PGBD4: variants seen among roughly 807,000 people sequenced by gnomAD.
PGBD4 encodes piggyBac transposable element-derived protein 4.
In PGBD4, 1 loss-of-function variant was observed where a neutral mutation model predicts 0.3. The ratio of observed to expected loss-of-function variants is 3.72; its 90% confidence interval spans 1.32 to 17.64. PGBD4 has a LOEUF of 17.64. Among genes scored for constraint, PGBD4 ranks in the 30% most tolerant of loss-of-function variants. The pLI is 0.11. For missense variants in PGBD4, 624 were observed against 719.7 expected, an observed-to-expected ratio of 0.87 and a Z score of 1.52; for synonymous variants, 253 against 267.7, an observed-to-expected ratio of 0.95 and a Z score of 0.54.
chr15:34,104,772 A>G lies in PGBD4; in HGVS notation c.*483A>G, dbSNP rs901822082. Reference sequence around the variant, plus strand: ...GCGATTCTCGTGCCTCAGCCTCCCTAGTAGCTGGGATTACAGGCATGTGCC... The same window carrying G: ...GCGATTCTCGTGCCTCAGCCTCCCTGGTAGCTGGGATTACAGGCATGTGCC... On this transcript the variant is annotated 3_prime_UTR_variant, in exon 1 of 1. Coordinates refer to ENST00000397766, the MANE Select transcript of PGBD4 (RefSeq NM_152595.5). 6.6e-6 allele frequency: 1 copy of G among 151,534 alleles called. No individual in the cohort carries two copies. The highest frequency in any genetic ancestry group is 6.6e-5 in the Admixed American group (1 of 15,176). The allele number at this position is 151,534 out of a possible 1,614,324, so 9.4% of individuals were successfully genotyped here.
In PGBD4 at chr15:34,102,389, G is replaced by A; in HGVS notation, c.-143G>A. ...AGTGCCAACCTTACTCCCAAAGTTT[G>A]CCACGAAATATCTCGCTTCTGTTAT... is the stretch of plus-strand genomic sequence containing the variant. On this transcript the variant is annotated 5_prime_UTR_variant, in exon 1 of 1. Coordinates refer to ENST00000397766, the MANE Select transcript of PGBD4 (RefSeq NM_152595.5). This position sits in a 1 kb window ranked among gnomAD's most constrained non-coding sequence, Gnocchi z 4.7. 1 of 1,325,266 alleles carries A rather than the reference G, an allele frequency of 7.5e-7. No individual in the cohort carries two copies. The highest frequency in any genetic ancestry group is 2.6e-5 in the East Asian group (1 of 38,332). The allele number at this position is 1,325,266 out of a possible 1,614,324, so 82.1% of individuals were successfully genotyped here.
At position 34,104,283 on chromosome 15, in the gene PGBD4, T is replaced by A. The variant is rs770564985; in HGVS notation, c.1752T>A (p.Asn584Lys). 2.7e-5 allele frequency: 44 copies of A among 1,610,306 alleles called. No homozygotes were observed. Among genetic ancestry groups the A allele is most frequent in the Non-Finnish European group, 3.5e-5 (41 of 1,177,854 alleles). The change falls in exon 1 of 1, where the codon AAT (asparagine) becomes AAA (lysine). Residue 584 changes from asparagine (N) to lysine (K), a missense_variant. By Grantham distance (94) the Asn-to-Lys change is moderately conservative. Coordinates refer to ENST00000397766, the MANE Select transcript of PGBD4 (RefSeq NM_152595.5). ...TTGAAATTTACCACACGAAAAAAAA[T>A]TATTAAATACCGATCATCATACACA... ...PCFEIYHTKK[N>K]Y
chr15:34,104,022 T>A lies in PGBD4; in HGVS notation c.1491T>A (p.His497Gln). The A allele has an allele frequency of 6.2e-7, 1 of 1,614,116 alleles. No homozygotes were observed. Among genetic ancestry groups the A allele is most frequent in the Non-Finnish European group, 8.5e-7 (1 of 1,180,028 alleles). The change falls in exon 1 of 1, where the codon CAT becomes CAA. Residue 497 changes from histidine to glutamine, a missense_variant. His to Gln is a conservative substitution (Grantham distance 24). Transcript: ENST00000397766. ...TGATTGAAAGAATGCTGGAAAAGCA[T>A]CACAAGCCAGGGCAGCAACATCTTC... ...LALIERMLEK[H>Q]HKPGQQHLRG... is the part of the protein sequence containing the mutation.
In PGBD4 at chr15:34,102,508, A is replaced by G; in HGVS notation, c.-24A>G. The G allele has an allele frequency of 1.3e-6, 2 of 1,485,012 alleles. No individual in the cohort carries two copies. Among genetic ancestry groups the G allele is most frequent in the Non-Finnish European group, 1.8e-6 (2 of 1,118,952 alleles). The allele number at this position is 1,485,012 out of a possible 1,614,324, so 92.0% of individuals were successfully genotyped here. A position where few individuals can be genotyped will look rare whatever the true frequency, so the allele number is the denominator to read the frequency against. On this transcript the variant is annotated 5_prime_UTR_variant, in exon 1 of 1. Coordinates refer to ENST00000397766, the MANE Select transcript of PGBD4 (RefSeq NM_152595.5). The surrounding 1 kb of genome is among the most constrained non-coding windows in gnomAD (Gnocchi z 4.7). The stretch of plus-strand genomic sequence containing the variant: ...TAGTAGTGGGATTTCCATCTACAAA[A>G]TATAGTAATTCTCGATCGCTGAAAT...
chr15:34,106,875 T>C lies in PGBD4; in HGVS notation c.*2586T>C, dbSNP rs911520239. On this transcript the variant is annotated 3_prime_UTR_variant, in exon 1 of 1. Coordinates refer to ENST00000397766, the MANE Select transcript of PGBD4 (RefSeq NM_152595.5). ...ACTTGAGGCCAGGAGGGCCAGGAAT[T>C]TGAAGCTGTAGTGTGCTATGATAGC... 2.0e-5 allele frequency: 3 copies of C among 148,394 alleles called. No homozygotes were observed. The highest frequency in any genetic ancestry group is 4.4e-5 in the Non-Finnish European group (3 of 67,678). The allele number at this position is 148,394 out of a possible 1,614,324, so 9.2% of individuals were successfully genotyped here.
rs796797907 is a variant in PGBD4 at position 34,106,650 on chromosome 15, A to G, written c.*2361A>G. On this transcript the variant is annotated 3_prime_UTR_variant, in exon 1 of 1. Coordinates refer to ENST00000397766, the MANE Select transcript of PGBD4 (RefSeq NM_152595.5). ...GCACATGGTACAATATTCAAAAGGT[A>G]TGAGTATACAAAAAAAATCTCCCAC... The G allele has an allele frequency of 6.6e-5, 10 of 152,358 alleles. No individual in the cohort carries two copies. The highest frequency in any genetic ancestry group is 2.4e-4 in the African/African-American group (10 of 41,558). The allele number at this position is 152,358 out of a possible 1,614,324, so 9.4% of individuals were successfully genotyped here.
Position 34,102,681 on chromosome 15 carries a change from G to C in PGBD4, c.150G>C (p.Lys50Asn). ...CGGATAGTGCTTTAGAAGCCGATAA[G>C]ATCAGGCCTCTGTCCCATTTAGAAT... ...NFSDSALEAD[K>N]IRPLSHLESD... Residue 50 changes from lysine (K) to asparagine (N), a missense_variant, in exon 1 of 1, where the codon AAG becomes AAC. Transcript: ENST00000397766. The surrounding 1 kb of genome is among the most constrained non-coding windows in gnomAD (Gnocchi z 4.7). 1 of 1,614,132 alleles carries C rather than the reference G, an allele frequency of 6.2e-7. No homozygotes were observed. The highest frequency in any genetic ancestry group is 1.1e-5 in the South Asian group (1 of 91,074).
Position 34,103,422 on chromosome 15 carries a change from TG to T in PGBD4, c.893del (p.Gly298AlafsTer2). 1 of 1,614,234 alleles carries T rather than the reference TG, an allele frequency of 6.2e-7. No individual in the cohort carries two copies. Among genetic ancestry groups the T allele is most frequent in the South Asian group, 1.1e-5 (1 of 91,090 alleles). ...VWNALVHTGP[G>X]MNLKDSADGL... The stretch of plus-strand genomic sequence containing the variant: ...GGAATGCGCTTGTTCACACAGGGCC[TG>T]GCATGAATTTGAAAGATTCAGCGGA... On this transcript the variant is annotated frameshift_variant, in exon 1 of 1. Coordinates refer to ENST00000397766, the MANE Select transcript of PGBD4 (RefSeq NM_152595.5). LOFTEE classifies it low-confidence loss of function (END_TRUNC). The surrounding 1 kb of genome is among the most constrained non-coding windows in gnomAD (Gnocchi z 4.6).
Position 34,104,184 on chromosome 15 carries a change from T to C in PGBD4, c.1653T>C (p.Asp551=), listed in dbSNP as rs762872054. The C allele has an allele frequency of 9.9e-6, 16 of 1,614,064 alleles. No individual in the cohort carries two copies. The East Asian group carries it at 3.3e-4, about 34-fold the overall frequency. The change falls in exon 1 of 1, where the codon GAT becomes GAC. Residue 551 remains aspartate (D), a synonymous_variant. Transcript: ENST00000397766. ...TTTGCTGCTCCCAATACGACAAGGATGGCAAGAAGATCCGGAAAGAAACGC... is the reference window on the plus strand; with the variant it reads ...TTTGCTGCTCCCAATACGACAAGGACGGCAAGAAGATCCGGAAAGAAACGC... ...CKICCSQYDK[D]GKKIRKETRY...
chr15:34,102,152 G>A lies in PGBD4; in HGVS notation c.-380G>A. The A allele has an allele frequency of 2.1e-6, 1 of 475,390 alleles. No homozygotes were observed. Among genetic ancestry groups the A allele is most frequent in the Non-Finnish European group, 3.7e-6 (1 of 270,508 alleles). 29.4% of individuals were successfully genotyped at this position (475,390 alleles called of 1,614,324 possible). On this transcript the variant is annotated 5_prime_UTR_variant, in exon 1 of 1. Transcript: ENST00000397766. The surrounding 1 kb of genome is among the most constrained non-coding windows in gnomAD (Gnocchi z 4.7). ...TGCTGCGGCAGCCACGGAGGCCAAG[G>A]ACCTCACGGGAGTAAAAGATGACGA...
rs759813201 is a variant in PGBD4 at position 34,103,577 on chromosome 15, A to G, written c.1046A>G (p.Asp349Gly). ...AGAGAATTACATCAAAATAGGACTG[A>G]TGCAGTTGGGACAGCTCGTTTGAAC... ...LFRELHQNRT[D>G]AVGTARLNRK... Residue 349 changes from aspartate to glycine, a missense_variant, in exon 1 of 1, where the codon GAT (aspartate) becomes GGT (glycine). By Grantham distance (94) the Asp-to-Gly change is moderately conservative. Coordinates refer to ENST00000397766, the MANE Select transcript of PGBD4 (RefSeq NM_152595.5). The surrounding 1 kb of genome is among the most constrained non-coding windows in gnomAD (Gnocchi z 4.6). 6 of 1,614,188 alleles carry G rather than the reference A, an allele frequency of 3.7e-6. No homozygotes were observed. Among genetic ancestry groups the G allele is most frequent in the Non-Finnish European group, 5.1e-6 (6 of 1,180,014 alleles).
In PGBD4 at chr15:34,107,247, A is replaced by G. The variant is rs571325228; in HGVS notation, c.*2958A>G. 3 of 152,262 alleles carry G rather than the reference A, an allele frequency of 2.0e-5. No homozygotes were observed. The highest frequency in any genetic ancestry group is 4.8e-5 in the African/African-American group (2 of 41,558). 9.4% of individuals were successfully genotyped at this position (152,262 alleles called of 1,614,324 possible). On this transcript the variant is annotated 3_prime_UTR_variant, in exon 1 of 1. Coordinates refer to ENST00000397766, the MANE Select transcript of PGBD4 (RefSeq NM_152595.5). ...CCGCACTTTGCTCTTTTTACTAAAT[A>G]TATCTTGGAAATCATCCTTTATTCG...
Position 34,102,374 on chromosome 15 carries a change from T to TG in PGBD4, c.-158_-157insG. 8.3e-7 allele frequency: 1 copy of TG among 1,198,708 alleles called. No individual in the cohort carries two copies. Among genetic ancestry groups the TG allele is most frequent in the Non-Finnish European group, 1.1e-6 (1 of 893,076 alleles). The allele number at this position is 1,198,708 out of a possible 1,614,324, so 74.3% of individuals were successfully genotyped here. On this transcript the variant is annotated 5_prime_UTR_variant, in exon 1 of 1. The change creates a premature stop within an existing upstream ORF in the 5' untranslated region. Coordinates refer to ENST00000397766, the MANE Select transcript of PGBD4 (RefSeq NM_152595.5). This position sits in a 1 kb window ranked among gnomAD's most constrained non-coding sequence, Gnocchi z 4.7. ...TAACTCGTGGATTACAGTGCCAACC[T>TG]TACTCCCAAAGTTTGCCACGAAATA...
Position 34,103,571 on chromosome 15 carries a change from G to A in PGBD4, c.1040G>A (p.Arg347Lys), listed in dbSNP as rs771127773. The A allele has an allele frequency of 6.2e-7, 1 of 1,614,096 alleles. No individual in the cohort carries two copies. The highest frequency in any genetic ancestry group is 8.5e-7 in the Non-Finnish European group (1 of 1,179,992). Reference protein sequence around the residue: ...PMLFRELHQNRTDAVGTARLN... With the variant: ...PMLFRELHQNKTDAVGTARLN... The stretch of plus-strand genomic sequence containing the variant: ...CTTTTCAGAGAATTACATCAAAATA[G>A]GACTGATGCAGTTGGGACAGCTCGT... The change falls in exon 1 of 1, where the codon AGG becomes AAG. Residue 347 changes from arginine to lysine, a missense_variant. By Grantham distance (26) the Arg-to-Lys change is conservative. Coordinates refer to ENST00000397766, the MANE Select transcript of PGBD4 (RefSeq NM_152595.5). This position sits in a 1 kb window ranked among gnomAD's most constrained non-coding sequence, Gnocchi z 4.6.
Position 34,103,316 on chromosome 15 carries a change from T to C in PGBD4, c.785T>C (p.Met262Thr). The change falls in exon 1 of 1, where the codon ATG becomes ACG. Residue 262 changes from methionine to threonine, a missense_variant. Transcript: ENST00000397766. This position sits in a 1 kb window ranked among gnomAD's most constrained non-coding sequence, Gnocchi z 4.6. Reference sequence around the variant, plus strand: ...ATGCTGTTCAAGGGGCCATTAGCTATGAAGCAGTACCTCCCGACAAAACGA... The same window carrying C: ...ATGCTGTTCAAGGGGCCATTAGCTACGAAGCAGTACCTCCCGACAAAACGA... ...SLMLFKGPLA[M>T]KQYLPTKRVR... 6.2e-7 allele frequency: 1 copy of C among 1,614,204 alleles called. No homozygotes were observed. Among genetic ancestry groups the C allele is most frequent in the Non-Finnish European group, 8.5e-7 (1 of 1,180,042 alleles).
At position 34,104,161 on chromosome 15, in the gene PGBD4, T is replaced by A; in HGVS notation, c.1630T>A (p.Cys544Ser). 1 of 1,614,210 alleles carries A rather than the reference T, an allele frequency of 6.2e-7. No homozygotes were observed. Among genetic ancestry groups the A allele is most frequent in the Non-Finnish European group, 8.5e-7 (1 of 1,180,044 alleles). The change falls in exon 1 of 1, where the codon TGC (cysteine) becomes AGC (serine). Residue 544 changes from cysteine to serine, a missense_variant. Physicochemically the swap from Cys to Ser is moderately radical, Grantham distance 112. Coordinates refer to ENST00000397766, the MANE Select transcript of PGBD4 (RefSeq NM_152595.5). ...GAATCCAACTGGTCGCTGCAAAATT[T>A]GCTGCTCCCAATACGACAAGGATGG... is the stretch of plus-strand genomic sequence containing the variant. ...KQNPTGRCKI[C>S]CSQYDKDGKK...
Position 34,102,910 on chromosome 15 carries a change from C to G in PGBD4, c.379C>G (p.Gln127Glu). The G allele has an allele frequency of 6.2e-7, 1 of 1,614,096 alleles. No homozygotes were observed. The highest frequency in any genetic ancestry group is 8.5e-7 in the Non-Finnish European group (1 of 1,180,004). ...AAAAATTACTAGAGAAACAAATGCC[C>G]AAGCTGCCTTGTTGGCTTCAAAGCC... ...VSKITRETNA[Q>E]AALLASKPPG... Residue 127 changes from glutamine (Q) to glutamate (E), a missense_variant, in exon 1 of 1, where the codon CAA becomes GAA. Physicochemically the swap from Gln to Glu is conservative, Grantham distance 29. Transcript: ENST00000397766. The surrounding 1 kb of genome is among the most constrained non-coding windows in gnomAD (Gnocchi z 4.7).
Position 34,106,677 on chromosome 15 carries a change from T to A in PGBD4, c.*2388T>A, listed in dbSNP as rs113896496. ...GAGTATACAAAAAAAATCTCCCACC[T>A]ACTTCTCTCCCTAGTCACCCAATTC... On this transcript the variant is annotated 3_prime_UTR_variant, in exon 1 of 1. Transcript: ENST00000397766. The A allele has an allele frequency of 3.2e-4, 32 of 98,970 alleles. No homozygotes were observed. The highest frequency in any genetic ancestry group is 8.3e-4 in the African/African-American group (31 of 37,168). 6.1% of individuals were successfully genotyped at this position (98,970 alleles called of 1,614,324 possible).
Position 34,103,794 on chromosome 15 carries a change from T to C in PGBD4, c.1263T>C (p.Ile421=), listed in dbSNP as rs1298013274. 7 of 1,614,036 alleles carry C rather than the reference T, an allele frequency of 4.3e-6. No individual in the cohort carries two copies. Among genetic ancestry groups the C allele is most frequent in the Non-Finnish European group, 5.1e-6 (6 of 1,180,040 alleles). Residue 421 remains isoleucine (I), a synonymous_variant, in exon 1 of 1, where the codon ATT becomes ATC. Coordinates refer to ENST00000397766, the MANE Select transcript of PGBD4 (RefSeq NM_152595.5). This position sits in a 1 kb window ranked among gnomAD's most constrained non-coding sequence, Gnocchi z 4.6. ...NGKKTKRPRV[I]VDYNENMGAV... ...AGAAAACTAAAAGGCCACGTGTCAT[T>C]GTGGATTATAACGAGAATATGGGAG...
Sources: allele counts gnomAD v4.1 joint callset, GRCh38; gene constraint gnomAD v4.1.1; non-coding constraint Gnocchi (gnomAD v3.1); transcripts MANE v1.5; gene names NCBI Gene and HGNC (gene_info 2026-07-23, HGNC 2026-07-21).